Variants in MYH11 observed in about 807,000 individuals in gnomAD.
MYH11 encodes myosin-11.
In MYH11, 80 loss-of-function variants were observed where a neutral mutation model predicts 246.6. That is an observed-to-expected ratio of 0.32 (90% CI 0.27 to 0.39). The LOEUF (loss-of-function observed/expected upper bound fraction) is 0.39, where lower values mean the gene tolerates loss of function less well. MYH11 is among the 10% of genes least tolerant of loss of function. The pLI is 1.00. For synonymous variants in MYH11, 1,071 were observed against 1,015.5 expected (o/e 1.05, Z -1.04); for missense variants, 2,158 against 2,546.8 (o/e 0.85, Z 3.29).
chr16:15,845,997 G>A (rs2044181224), intron 1 of MYH11, among the ~76,000 whole-genome samples: 1 of 152,128 alleles, frequency 6.6e-6, no homozygotes, highest in South Asian at 2.1e-4. Context: ...TACTTGGGAG[G>A]CTGAGTCAGG....
At chr16:15,776,979 G>C (rs72772050) in intron 7 of MYH11, among the ~76,000 whole-genome samples, 12,040 of 152,176 alleles carry the variant, frequency 0.079, 692 homozygotes, top group Admixed American at 0.11. Flanking sequence ...TAGATCAGCA[G>C]ACCTTGTCTT....
chr16:15,800,472 A>C (rs13339360), intron 3 of MYH11, among the ~76,000 whole-genome samples: 3 of 148,706 alleles, frequency 2.0e-5, no homozygotes, highest in African/African-American at 7.4e-5. Flanking sequence ...AGATGGGTAG[A>C]TGGGTGGGTA....
intron 4 of MYH11, among the ~76,000 whole-genome samples, chr16:15,798,327 A>G (rs903445673): frequency 6.6e-6 from 1 of 152,208 alleles, no homozygotes; most frequent in Non-Finnish European, 1.5e-5. Flanking sequence ...ATGCAATTAG[A>G]TAAGATTCTG....
At chr16:15,726,827 A>ACCACCGCG in intron 28 of MYH11, 21 bp downstream of exon 28, 1 of 1,610,194 alleles carries the variant, frequency 6.2e-7, no homozygotes, top group Non-Finnish European at 8.5e-7. Flanking sequence ...TGCCCACCAC[A>ACCACCGCG]CCACCGCGCC....
At chr16:15,828,491 G>C (rs1486376720) in intron 2 of MYH11, among the ~76,000 whole-genome samples, 1 of 151,990 alleles carries the variant, frequency 6.6e-6, no homozygotes, top group Non-Finnish European at 1.5e-5. Context: ...TGTATCTCCT[G>C]CACCCCGCAC....
At chr16:15,821,963 A>G (rs216152) in intron 3 of MYH11, among the ~76,000 whole-genome samples, 76,016 of 151,316 alleles carry the variant, frequency 0.5, 21,838 homozygotes, top group African/African-American at 0.8. Context: ...TCCAGGAGCC[A>G]TCACTTTACA....
At position 15,715,154 on chromosome 16, in the gene MYH11, CAG is replaced by C. The variant is rs750581579; in HGVS notation, c.5613+8_5613+9del. 1.2e-6 allele frequency: 2 copies of C among 1,613,238 alleles called. No homozygotes were observed. The highest frequency in any genetic ancestry group is 1.7e-6 in the Non-Finnish European group (2 of 1,179,980). On this transcript the variant is annotated splice_region_variant and intron_variant, in intron 39 of 40. Coordinates refer to ENST00000300036, the MANE Select transcript of MYH11 (RefSeq NM_002474.3). ...TGGGGGCTCGAGGGAGGCTGGGTGG[CAG>C]GGGCTACCTGCTCCTTGTACTGCTC...
intron 8 of MYH11, among the ~76,000 whole-genome samples, chr16:15,772,090 T>TC (rs1349453704): frequency 7.6e-6 from 1 of 131,780 alleles, no homozygotes; most frequent in Non-Finnish European, 1.7e-5. Context: ...CTTTACTCTT[T>TC]TTTTTTTTTT....
chr16:15,839,281 A>C (rs1259000430), intron 1 of MYH11, among the ~76,000 whole-genome samples: 2 of 152,212 alleles, frequency 1.3e-5, no homozygotes, highest in Non-Finnish European at 2.9e-5. Context: ...CAATAAAATA[A>C]ATGAGTCTCA....
chr16:15,820,400 G>C (rs1401425172), intron 3 of MYH11, among the ~76,000 whole-genome samples: 4 of 151,492 alleles, frequency 2.6e-5, no homozygotes, highest in Admixed American at 1.3e-4. Context: ...CTTGAACCCA[G>C]GAGGTGGAGG....
chr16:15,747,866 G>A lies in MYH11; in HGVS notation c.2250+8C>T, dbSNP rs2041461558. On this transcript the variant is annotated splice_region_variant and intron_variant, in intron 18 of 40. Coordinates refer to ENST00000300036, the MANE Select transcript of MYH11 (RefSeq NM_002474.3). ...GTTGGGAGGTCTCTGGTGGACTTCT[G>A]GGCTCACCATGAGAATGCAGGCCTG... 1.2e-6 allele frequency: 2 copies of A among 1,613,712 alleles called. No homozygotes were observed. The highest frequency in any genetic ancestry group is 2.2e-5 in the South Asian group (2 of 91,054).
rs1370164222 is a variant in MYH11, at chr16:15,706,601, G to C, written c.5787-2478C>G. On this transcript the variant is annotated intron_variant, in intron 40 of 40. Transcript: ENST00000300036. ...AGGCGCCTGGAATCCCAGTCACTCA[G>C]GAGGCTGAGGCAGGAGAATTGCTTG... Among the ~76,000 whole-genome samples the C allele has an allele frequency of 2.6e-5, 4 of 152,254 alleles. No homozygotes were observed. In the South Asian group the frequency reaches 8.3e-4, roughly 32 times the overall value.
rs759661418 is a variant in MYH11 at position 15,741,894 on chromosome 16, G to GCA, written c.2521-5_2521-4dup. On this transcript the variant is annotated splice_region_variant and splice_polypyrimidine_tract_variant and intron_variant, in intron 20 of 40. Transcript: ENST00000300036. ...GTCACCTGCAGCAGTGGCTTCACCT[G>GCA]CACACACACGGTTAGCCCATCATTT... 3 of 1,614,050 alleles carry GCA rather than the reference G, an allele frequency of 1.9e-6. No homozygotes were observed. Among genetic ancestry groups the GCA allele is most frequent in the Non-Finnish European group, 2.5e-6 (3 of 1,180,040 alleles).
rs142939250 is a variant in MYH11 at position 15,830,004 on chromosome 16, G to A, written c.346-6593C>T. Among the ~76,000 whole-genome samples the A allele has an allele frequency of 5.3e-3, 809 of 152,182 alleles. 8 individuals are homozygous for A. The highest frequency in any genetic ancestry group is 0.017 in the African/African-American group (706 of 41,526). Reference sequence around the variant, plus strand: ...ACAAAAATTAGCAAGGTGTGGTGGCGCGTGCCTGTAATCCCAGCTACTCGG... The same window carrying A: ...ACAAAAATTAGCAAGGTGTGGTGGCACGTGCCTGTAATCCCAGCTACTCGG... On this transcript the variant is annotated intron_variant, in intron 2 of 40. Transcript: ENST00000300036.
chr16:15,718,660 C>G (rs2040301189), intron 36 of MYH11: 1 of 622,688 alleles, frequency 1.6e-6, no homozygotes. Context: ...GGATGGGGAC[C>G]AGCACACTCC....
intron 31 of MYH11, 123 bp downstream of exon 31, chr16:15,724,038 A>G (rs560599903): frequency 9.1e-5 from 139 of 1,520,446 alleles, no homozygotes; most frequent in Non-Finnish European, 1.2e-4. Flanking sequence ...ACAGCCTCCC[A>G]TGGCTCCCCA....
chr16:15,756,887 T>C (rs1218151129), intron 13 of MYH11, among the ~76,000 whole-genome samples: 2 of 148,800 alleles, frequency 1.3e-5, no homozygotes, highest in South Asian at 2.1e-4. Flanking sequence ...CAAGCTCCGC[T>C]TCCTGGGTTC....
At chr16:15,832,509 C>T (rs2151375839) in intron 2 of MYH11, among the ~76,000 whole-genome samples, 1 of 152,338 alleles carries the variant, frequency 6.6e-6, no homozygotes, top group East Asian at 1.9e-4. Flanking sequence ...CTCACAGGGA[C>T]TGCTACTCGC....
chr16:15,819,684 A>G (rs1244669493), intron 3 of MYH11, among the ~76,000 whole-genome samples: 1 of 152,230 alleles, frequency 6.6e-6, no homozygotes, highest in African/African-American at 2.4e-5. Context: ...ATTTCATTAT[A>G]TATGACAATG....
Sources: allele counts gnomAD v4.1 joint callset (sites outside exome capture counted in the v4.1 genomes callset), GRCh38; gene constraint gnomAD v4.1.1; transcripts MANE v1.5; gene names NCBI Gene and HGNC (gene_info 2026-07-23, HGNC 2026-07-21).